The following INSL6 variants were observed in gnomAD, a reference collection of about 807,000 sequenced individuals.
The protein encoded by INSL6 is insulin like 6.
INSL6 carries 16 observed loss-of-function variants against 9.4 expected under a neutral mutation model. That is an observed-to-expected ratio of 1.70 (90% CI 1.15 to 2.59). INSL6 has a LOEUF of 2.59. INSL6 is among the 30% of genes most tolerant of loss of function. INSL6 has a pLI of 0.00. For synonymous variants in INSL6, 154 were observed against 96.9 expected (o/e 1.59, Z -3.46); for missense variants, 391 against 257.3 (o/e 1.52, Z -3.56).
rs1386057916 is a variant in INSL6 at position 5,185,537 on chromosome 9, T to G, written c.66A>C (p.Glu22Asp). Residue 22 changes from glutamate to aspartate, a missense_variant, in exon 1 of 2, where the codon GAA (glutamate) becomes GAC (aspartate). By Grantham distance (45) the Glu-to-Asp change is conservative (BLOSUM62 2). Coordinates refer to ENST00000381641, the MANE Select transcript of INSL6 (RefSeq NM_007179.3). Reference sequence around the variant, plus strand: ...TCCTGGCACTGCTGATGTCGCTCAGTTCACGAGAAAACCGAACCAGCAGGA... The same window carrying G: ...TCCTGGCACTGCTGATGTCGCTCAGGTCACGAGAAAACCGAACCAGCAGGA... ...LGLLLVRFSR[E>D]LSDISSARKL... 1 of 1,614,078 alleles carries G rather than the reference T, an allele frequency of 6.2e-7. No individual in the cohort carries two copies. Among genetic ancestry groups the G allele is most frequent in the East Asian group, 2.2e-5 (1 of 44,890 alleles).
chr9:5,133,224 G>A (rs1824324987), intron 3 of INSL6, among the ~76,000 whole-genome samples: 1 of 151,888 alleles, frequency 6.6e-6, no homozygotes, highest in Non-Finnish European at 1.5e-5. Context: ...GAAAGTTGGG[G>A]GAGGATAATG....
intron 1 of INSL6, among the ~76,000 whole-genome samples, chr9:5,177,498 C>T (rs751830772): frequency 1.3e-5 from 2 of 152,192 alleles, no homozygotes; most frequent in Non-Finnish European, 2.9e-5. Context: ...AGAGCAAACG[C>T]TCAGGCACAC....
chr9:5,010,925 G>T, the INSL6 span, among the ~76,000 whole-genome samples: 1 of 152,150 alleles, frequency 6.6e-6, no homozygotes, highest in African/African-American at 2.4e-5. Context: ...ATTCTGGGTT[G>T]ACAGCTTTCC....
the INSL6 span, among the ~76,000 whole-genome samples, chr9:5,007,054 A>G: frequency 6.6e-6 from 1 of 151,902 alleles, no homozygotes; most frequent in Non-Finnish European, 1.5e-5. Flanking sequence ...TGTTTTATCA[A>G]TTTTAATGCT....
intron 2 of INSL6, among the ~76,000 whole-genome samples, chr9:5,145,876 T>C (rs535350376): frequency 6.6e-6 from 1 of 152,308 alleles, no homozygotes. Context: ...CTTCCTTGCA[T>C]TGGGTTACAA....
the INSL6 span, among the ~76,000 whole-genome samples, chr9:5,088,811 G>A: frequency 2.6e-5 from 4 of 152,142 alleles, no homozygotes; most frequent in Non-Finnish European, 5.9e-5. Context: ...TCTTATAAGG[G>A]CACTAGCCTT....
chr9:5,044,632 T>C, the INSL6 span: 132 of 615,486 alleles, frequency 2.1e-4, no homozygotes, highest in African/African-American at 2.0e-3. Context: ...AGTTCTGTCT[T>C]GCACAGCAGG....
the INSL6 span, chr9:5,066,877 T>C: frequency 1.9e-6 from 1 of 515,208 alleles, no homozygotes; most frequent in Non-Finnish European, 3.2e-6. Context: ...TCCTTTTTAA[T>C]ACTGAGAATT....
intron 2 of INSL6, among the ~76,000 whole-genome samples, chr9:5,155,840 G>A (rs1479133696): frequency 6.6e-6 from 1 of 151,784 alleles, no homozygotes; most frequent in East Asian, 1.9e-4. Flanking sequence ...TATGGGTGCA[G>A]CAAACCACCA....
At chr9:5,120,421 T>A (rs904296239), downstream of INSL6, among the ~76,000 whole-genome samples, 1 of 152,240 alleles carries the variant, frequency 6.6e-6, no homozygotes, top group African/African-American at 2.4e-5. Context: ...GCCCATGATA[T>A]CATTTTTTTA....
intron 2 of INSL6, among the ~76,000 whole-genome samples, chr9:5,137,869 A>G (rs1824416132): frequency 6.6e-6 from 1 of 152,108 alleles, no homozygotes; most frequent in South Asian, 2.1e-4. Context: ...CAGAATCTAC[A>G]AAGAACTTAC....
the INSL6 span, among the ~76,000 whole-genome samples, chr9:4,992,731 T>G: frequency 6.6e-6 from 1 of 152,176 alleles, no homozygotes; most frequent in African/African-American, 2.4e-5. Context: ...AGACAGTTTA[T>G]ATGTCCCCTG....
the INSL6 span, chr9:5,030,027 T>C: frequency 1.3e-6 from 1 of 745,054 alleles, no homozygotes; most frequent in Non-Finnish European, 2.1e-6. Context: ...TTAGCACTCA[T>C]TTAAGATTTC....
At chr9:5,069,253 G>A in the INSL6 span, 1 of 1,347,234 alleles carries the variant, frequency 7.4e-7, no homozygotes, top group Non-Finnish European at 1.0e-6. Context: ...GTCATGGATT[G>A]TTTATGTGGC....
the INSL6 span, among the ~76,000 whole-genome samples, chr9:5,102,112 A>G: frequency 2.6e-5 from 4 of 152,218 alleles, no homozygotes; most frequent in African/African-American, 9.7e-5. Flanking sequence ...GAGGATGTTC[A>G]AACCCATCGC....
the INSL6 span, among the ~76,000 whole-genome samples, chr9:5,095,183 G>C: frequency 6.6e-6 from 1 of 151,894 alleles, no homozygotes; most frequent in Non-Finnish European, 1.5e-5. Flanking sequence ...ATAAGCTATT[G>C]GGCCCATTCT....
chr9:5,029,693 G>C, the INSL6 span: 2 of 1,198,674 alleles, frequency 1.7e-6, no homozygotes. Context: ...TTTAAGAGTT[G>C]TTACTTTAGC....
At chr9:5,137,783 T>G (rs200793089) in intron 2 of INSL6, among the ~76,000 whole-genome samples, 1 of 151,988 alleles carries the variant, frequency 6.6e-6, no homozygotes, top group Non-Finnish European at 1.5e-5. Flanking sequence ...AAAGAAACTA[T>G]CATCAGAGTG....
chr9:5,066,624 C>T, the INSL6 span: 1 of 958,756 alleles, frequency 1.0e-6, no homozygotes, highest in Non-Finnish European at 1.7e-6. Context: ...GACACTTGGT[C>T]ATAATATTAT....
Sources: gnomAD v4.1 joint callset for allele counts (sites outside exome capture counted in the v4.1 genomes callset) on GRCh38, gnomAD v4.1.1 for gene constraint, MANE v1.5 for transcripts, NCBI Gene and HGNC (gene_info 2026-07-23, HGNC 2026-07-21) for gene names.